The following ERLIN1 variants were observed in gnomAD, a reference collection of about 807,000 sequenced individuals.
ERLIN1 encodes erlin-1.
ERLIN1 carries 24 observed loss-of-function variants against 46.9 expected under a neutral mutation model. That is an observed-to-expected ratio of 0.51 (90% CI 0.37 to 0.72). ERLIN1 has a LOEUF of 0.72. ERLIN1 is among the 30% of genes least tolerant of loss of function. The pLI is 0.00. For missense variants in ERLIN1, 293 were observed against 417.9 expected, an observed-to-expected ratio of 0.70 and a Z score of 2.61; for synonymous variants, 158 against 143.2, an observed-to-expected ratio of 1.10 and a Z score of -0.74.
intron 10 of ERLIN1, 129 bp downstream of exon 10, chr10:100,154,731 T>C (rs1842984111): frequency 1.4e-6 from 1 of 705,560 alleles, no homozygotes; most frequent in African/African-American, 1.8e-5. Context: ...TGACTAATTC[T>C]GGAGGATGTC....
In ERLIN1 at chr10:100,182,190, AT is replaced by A. The variant is rs765187061; in HGVS notation, c.195+1565del. On this transcript the variant is annotated intron_variant, in intron 2 of 10. Coordinates refer to ENST00000421367, the MANE Select transcript of ERLIN1 (RefSeq NM_006459.4). ...ACAAGATCTATTTGTTAGAGCCTTG[AT>A]TTTTTTTTTTTTTTTTTTTTAAGAG... Among the ~76,000 whole-genome samples the A allele has an allele frequency of 8.6e-3, 1,098 of 127,128 alleles. 7 individuals are homozygous for A. Among genetic ancestry groups the A allele is most frequent in the Middle Eastern group, 0.047 (11 of 236 alleles). 83.4% of individuals were successfully genotyped at this position (127,128 alleles called of 152,430 possible).
intron 7 of ERLIN1, among the ~76,000 whole-genome samples, chr10:100,166,519 A>T (rs1454568358): frequency 6.6e-6 from 1 of 152,188 alleles, no homozygotes; most frequent in Non-Finnish European, 1.5e-5. Flanking sequence ...GAAGAAAAAA[A>T]CAATAAAAAT....
At position 100,151,923 on chromosome 10, in the gene ERLIN1, T is replaced by C. The variant is rs1842819569; in HGVS notation, c.*208A>G. On this transcript the variant is annotated 3_prime_UTR_variant, in exon 11 of 11. Transcript: ENST00000421367. ...AGTTTAGAAAGGAATACATATAGGATACTTGATAAGACTGTGGCTGAAAAG... is the reference window on the plus strand; with the variant it reads ...AGTTTAGAAAGGAATACATATAGGACACTTGATAAGACTGTGGCTGAAAAG... 1 of 614,148 alleles carries C rather than the reference T, an allele frequency of 1.6e-6. No individual in the cohort carries two copies. The highest frequency in any genetic ancestry group is 2.5e-5 in the Admixed American group (1 of 39,806). The allele number at this position is 614,148 out of a possible 1,614,324, so 38.0% of individuals were successfully genotyped here. A position where few individuals can be genotyped will look rare whatever the true frequency, so the allele number is the denominator to read the frequency against.
chr10:100,152,684 T>C (rs1842869358), intron 10 of ERLIN1, among the ~76,000 whole-genome samples: 1 of 152,248 alleles, frequency 6.6e-6, no homozygotes, highest in Admixed American at 6.5e-5. Flanking sequence ...GAATTCAACC[T>C]GGAATTGGTC....
In ERLIN1 at chr10:100,175,974, G is replaced by T; in HGVS notation, c.401C>A (p.Thr134Lys). 6.2e-7 allele frequency: 1 copy of T among 1,613,468 alleles called. No homozygotes were observed. Among genetic ancestry groups the T allele is most frequent in the Non-Finnish European group, 8.5e-7 (1 of 1,179,540 alleles). The change falls in exon 5 of 11, where the codon ACA (threonine) becomes AAA (lysine). Residue 134 changes from threonine to lysine, a missense_variant. By Grantham distance (78) the Thr-to-Lys change is moderately conservative. This residue lies in a region of ERLIN1 where 148 missense variants were observed against 266.5 expected (regional missense o/e 0.56). Coordinates refer to ENST00000421367, the MANE Select transcript of ERLIN1 (RefSeq NM_006459.4). Reference protein sequence around the residue: ...HELNQFCSAHTLQEVYIELFD... With the variant: ...HELNQFCSAHKLQEVYIELFD... ...CAATTCAATGTAAACTTCCTGAAGT[G>T]TGTGGGCACTGCAGAACTGGTTCAG...
chr10:100,171,463 C>T (rs1843994085), intron 6 of ERLIN1, among the ~76,000 whole-genome samples: 1 of 152,122 alleles, frequency 6.6e-6, no homozygotes, highest in African/African-American at 2.4e-5. Context: ...GACAAGAGTA[C>T]AGCATGAACA....
In ERLIN1 at chr10:100,169,841, A is replaced by G. The variant is rs553228782; in HGVS notation, c.505-2435T>C. The stretch of plus-strand genomic sequence containing the variant: ...GAGACCAGCCTGGGCAACACGGCAA[A>G]GGCCCATCTCTACAAAAAATAAAAA... On this transcript the variant is annotated intron_variant, in intron 6 of 10. Coordinates refer to ENST00000421367, the MANE Select transcript of ERLIN1 (RefSeq NM_006459.4). Among the ~76,000 whole-genome samples, 143 of 152,142 alleles carry G rather than the reference A, an allele frequency of 9.4e-4. 1 individual carries two copies. Among genetic ancestry groups the G allele is most frequent in the Non-Finnish European group, 1.5e-3 (100 of 68,004 alleles).
At chr10:100,166,023 G>A (rs1454132121) in intron 7 of ERLIN1, among the ~76,000 whole-genome samples, 4 of 152,266 alleles carry the variant, frequency 2.6e-5, no homozygotes, top group East Asian at 3.9e-4. Context: ...ACCACAGCCC[G>A]CCTATAAATA....
chr10:100,152,034 G>GT lies in ERLIN1; in HGVS notation c.*96dup, dbSNP rs1564793542. On this transcript the variant is annotated 3_prime_UTR_variant, in exon 11 of 11. Transcript: ENST00000421367. ...GCAGGAGAGGTGGAACAGATGAAGT[G>GT]TAAGTTCTCTGTAAATCTGAAGAGT... The GT allele has an allele frequency of 3.7e-6, 3 of 804,796 alleles. No homozygotes were observed. Among genetic ancestry groups the GT allele is most frequent in the Admixed American group, 2.0e-5 (1 of 50,352 alleles). 49.9% of individuals were successfully genotyped at this position (804,796 alleles called of 1,614,324 possible).
chr10:100,163,111 C>T (rs1034808368), intron 8 of ERLIN1, among the ~76,000 whole-genome samples: 2 of 151,768 alleles, frequency 1.3e-5, no homozygotes, highest in African/African-American at 2.4e-5. Context: ...AGAAAAAATC[C>T]CTAGATCTAC....
intron 7 of ERLIN1, among the ~76,000 whole-genome samples, chr10:100,165,698 A>G (rs979773377): frequency 1.3e-5 from 2 of 152,062 alleles, no homozygotes; most frequent in African/African-American, 4.8e-5. Context: ...AAGCAATCAT[A>G]TTTAAAGCCT....
chr10:100,180,314 C>A (rs1844562580), intron 2 of ERLIN1, among the ~76,000 whole-genome samples: 1 of 152,202 alleles, frequency 6.6e-6, no homozygotes, highest in South Asian at 2.1e-4. Flanking sequence ...ATCACAGTCC[C>A]TGTTTCCAAA....
intron 8 of ERLIN1, among the ~76,000 whole-genome samples, chr10:100,161,549 G>A (rs544198867): frequency 1.3e-5 from 2 of 152,212 alleles, no homozygotes; most frequent in South Asian, 4.1e-4. Context: ...CAAAACTTAA[G>A]GAGCTGGTTC....
intron 2 of ERLIN1, among the ~76,000 whole-genome samples, chr10:100,183,317 G>A (rs1564820530): frequency 6.6e-6 from 1 of 152,016 alleles, no homozygotes; most frequent in Non-Finnish European, 1.5e-5. Flanking sequence ...AATATACCAG[G>A]CAAAAAAACA....
chr10:100,163,183 T>A (rs1405607187), intron 8 of ERLIN1, among the ~76,000 whole-genome samples: 4 of 152,238 alleles, frequency 2.6e-5, no homozygotes, highest in Non-Finnish European at 5.9e-5. Context: ...AAATAAGAGT[T>A]TGGTAACATT....
Position 100,151,378 on chromosome 10 carries a change from G to A in ERLIN1, c.*753C>T, listed in dbSNP as rs977291617. ...CTGACAGTCATCAACCCAATGCAGG[G>A]AATGCAAGGCCCCAGAGCTTTGGCT... On this transcript the variant is annotated 3_prime_UTR_variant, in exon 11 of 11. Coordinates refer to ENST00000421367, the MANE Select transcript of ERLIN1 (RefSeq NM_006459.4). The A allele has an allele frequency of 6.5e-6, 1 of 153,238 alleles. No individual in the cohort carries two copies. Among genetic ancestry groups the A allele is most frequent in the Non-Finnish European group, 1.5e-5 (1 of 68,710 alleles). 9.5% of individuals were successfully genotyped at this position (153,238 alleles called of 1,614,324 possible). A position where few individuals can be genotyped will look rare whatever the true frequency, so the allele number is the denominator to read the frequency against.
chr10:100,179,354 G>T, intron 2 of ERLIN1, 107 bp from the exon 3 acceptor site: 3 of 650,690 alleles, frequency 4.6e-6, no homozygotes, highest in Non-Finnish European at 5.4e-6. Context: ...GTACAGCAGA[G>T]ATCCATCACA....
rs556372511 is a variant in ERLIN1 at position 100,178,583 on chromosome 10, C to A, written c.243-389G>T. On this transcript the variant is annotated intron_variant, in intron 3 of 10. Coordinates refer to ENST00000421367, the MANE Select transcript of ERLIN1 (RefSeq NM_006459.4). The stretch of plus-strand genomic sequence containing the variant: ...CACCCAGGAACTTTTGTTAGAAATG[C>A]AAATTCTCGGGCCTCACCCCAGACC... 7.9e-5 allele frequency among the ~76,000 whole-genome samples: 12 copies of A among 152,282 alleles called. No individual in the cohort carries two copies. In the South Asian group the frequency reaches 1.7e-3, roughly 21 times the overall value.
chr10:100,155,668 C>T (rs536799184), intron 9 of ERLIN1, among the ~76,000 whole-genome samples: 1 of 152,102 alleles, frequency 6.6e-6, no homozygotes, highest in South Asian at 2.1e-4. Context: ...GCGCCCGCCA[C>T]CACGCCCGGC....
Sources: allele counts gnomAD v4.1 joint callset (sites outside exome capture counted in the v4.1 genomes callset), GRCh38; gene constraint gnomAD v4.1.1; regional missense constraint gnomAD v4.1.1; transcripts MANE v1.5; gene names NCBI Gene and HGNC (gene_info 2026-07-23, HGNC 2026-07-21).